RBFOX3: variants seen among roughly 807,000 people sequenced by gnomAD.
RBFOX3 encodes RNA binding fox-1 homolog 3.
A neutral mutation model predicts 48.7 loss-of-function variants in RBFOX3; 17 were observed. The observed-to-expected ratio is 0.35, with a 90% CI of 0.24 to 0.52. The LOEUF (loss-of-function observed/expected upper bound fraction) is 0.52. RBFOX3 is among the 20% of genes least tolerant of loss of function. The pLI, the probability that RBFOX3 is intolerant of heterozygous loss-of-function variation, is 0.94. For synonymous variants in RBFOX3, 212 were observed against 209.5 expected (o/e 1.01, Z -0.10); for missense variants, 382 against 497.5 (o/e 0.77, Z 2.21).
chr17:79,463,967 C>T lies in RBFOX3; in HGVS notation c.-175+18487G>A, dbSNP rs369685320. On this transcript the variant is annotated intron_variant, in intron 2 of 14. Coordinates refer to ENST00000693108, the MANE Select transcript of RBFOX3 (RefSeq NM_001350451.2). Reference sequence around the variant, plus strand: ...TCGCCACTGCCACCTCCACCACCATCGCCACTGCCACTGCCACCTCCACCA... The same window carrying T: ...TCGCCACTGCCACCTCCACCACCATTGCCACTGCCACTGCCACCTCCACCA... Among the ~76,000 whole-genome samples, 94 of 151,748 alleles carry T rather than the reference C, an allele frequency of 6.2e-4. 1 individual carries two copies. The East Asian group carries it at 0.015, about 24-fold the overall frequency.
At chr17:79,351,637 T>C (rs915987042) in intron 2 of RBFOX3, among the ~76,000 whole-genome samples, 4 of 152,242 alleles carry the variant, frequency 2.6e-5, no homozygotes, top group African/African-American at 2.4e-5. Context: ...ATGTCTGCTT[T>C]GGAGAAATGT....
upstream of RBFOX3, among the ~76,000 whole-genome samples, chr17:79,611,480 T>C (rs1403433288): frequency 6.6e-6 from 1 of 151,930 alleles, no homozygotes; most frequent in Non-Finnish European, 1.5e-5. Flanking sequence ...AACCCAGTGC[T>C]GCCCTGGTCC....
chr17:79,589,078 C>T (rs889994386), intron 1 of RBFOX3, among the ~76,000 whole-genome samples: 2 of 152,212 alleles, frequency 1.3e-5, no homozygotes, highest in Non-Finnish European at 2.9e-5. Context: ...TGAGCTTGGA[C>T]AGTTCTTTCA....
At chr17:79,389,098 G>A (rs978492090) in intron 2 of RBFOX3, among the ~76,000 whole-genome samples, 6 of 147,904 alleles carry the variant, frequency 4.1e-5, no homozygotes, top group African/African-American at 1.6e-4. Flanking sequence ...AGCGGTGGGC[G>A]CGGGGGGGCG....
intron 3 of RBFOX3, among the ~76,000 whole-genome samples, chr17:79,258,177 G>C (rs982270194): frequency 6.6e-6 from 1 of 152,170 alleles, no homozygotes; most frequent in Non-Finnish European, 1.5e-5. Context: ...GCTAGACACT[G>C]GTTGGTCCTC....
Position 79,182,122 on chromosome 17 carries a change from A to ACT in RBFOX3, c.-34+53642_-34+53643dup, listed in dbSNP as rs146197071. Among the ~76,000 whole-genome samples, 353 of 151,304 alleles carry ACT rather than the reference A, an allele frequency of 2.3e-3. 5 individuals carry two copies. Among genetic ancestry groups the ACT allele is most frequent in the African/African-American group, 8.1e-3 (335 of 41,206 alleles). On this transcript the variant is annotated intron_variant, in intron 4 of 14. Transcript: ENST00000693108. ...AAGTTCCTTGGGGTGGGCACCCTGT[A>ACT]CTCTCTCTCTCTCCAGTCTCGAAGC...
chr17:79,144,175 C>A (rs2042529928), intron 4 of RBFOX3, among the ~76,000 whole-genome samples: 1 of 152,174 alleles, frequency 6.6e-6, no homozygotes, highest in African/African-American at 2.4e-5. Flanking sequence ...CCTGCCTCCC[C>A]CTGCCTCTGA....
chr17:79,545,099 CG>C (rs1353778445), intron 1 of RBFOX3, among the ~76,000 whole-genome samples: 1 of 151,938 alleles, frequency 6.6e-6, no homozygotes, highest in Non-Finnish European at 1.5e-5. Flanking sequence ...AGGGGGCAGA[CG>C]GGGCCGCTCT....
intron 2 of RBFOX3, among the ~76,000 whole-genome samples, chr17:79,388,357 G>A (rs1445120170): frequency 6.6e-6 from 1 of 152,158 alleles, no homozygotes; most frequent in East Asian, 1.9e-4. Context: ...CGAGGATGCA[G>A]AGCCAGTGCA....
At chr17:79,450,443 G>A (rs1033902941) in intron 2 of RBFOX3, among the ~76,000 whole-genome samples, 6 of 152,046 alleles carry the variant, frequency 3.9e-5, no homozygotes, top group South Asian at 2.1e-4. Context: ...TGTCCCCATC[G>A]GAGCCATCCT....
chr17:79,611,223 G>A, upstream of RBFOX3, among the ~76,000 whole-genome samples: 1 of 98,490 alleles, frequency 1.0e-5, no homozygotes, highest in African/African-American at 5.9e-5. Flanking sequence ...CGTTCCTCTG[G>A]CTCGTTCGGC....
intron 3 of RBFOX3, among the ~76,000 whole-genome samples, chr17:79,237,551 C>T (rs1411711092): frequency 2.0e-5 from 3 of 152,216 alleles, no homozygotes; most frequent in Non-Finnish European, 4.4e-5. Context: ...CTGTGGGAGG[C>T]GAGAATGAAC....
chr17:79,463,656 TCGCCAC>T (rs2075870474), intron 2 of RBFOX3, among the ~76,000 whole-genome samples: 1 of 52,916 alleles, frequency 1.9e-5, no homozygotes, highest in East Asian at 6.5e-4. Flanking sequence ...TCCACCACCA[TCGCCAC>T]CGCCACCTCC....
At chr17:79,581,415 T>C (rs1414950176) in intron 1 of RBFOX3, among the ~76,000 whole-genome samples, 1 of 152,322 alleles carries the variant, frequency 6.6e-6, no homozygotes, top group African/African-American at 2.4e-5. Context: ...CTGGGCCAGA[T>C]TGCAGTCTGG....
chr17:79,379,641 C>T (rs943487683), intron 2 of RBFOX3, among the ~76,000 whole-genome samples: 1 of 152,170 alleles, frequency 6.6e-6, no homozygotes, highest in South Asian at 2.1e-4. Context: ...GCGTTCCAGG[C>T]GGGAAGCTGG....
At chr17:79,091,459 C>T (rs147495120) in intron 14 of RBFOX3, among the ~76,000 whole-genome samples, 14 of 152,218 alleles carry the variant, frequency 9.2e-5, no homozygotes, top group African/African-American at 2.9e-4. Flanking sequence ...AAGCTGCCCA[C>T]GGCTGTGCTC....
At chr17:79,366,836 C>G (rs2057829027) in intron 2 of RBFOX3, among the ~76,000 whole-genome samples, 1 of 152,216 alleles carries the variant, frequency 6.6e-6, no homozygotes, top group South Asian at 2.1e-4. Flanking sequence ...TTCCGGGGAG[C>G]TGCTCTCACC....
At chr17:79,340,648 G>T (rs918459949) in intron 2 of RBFOX3, among the ~76,000 whole-genome samples, 1 of 152,092 alleles carries the variant, frequency 6.6e-6, no homozygotes, top group Non-Finnish European at 1.5e-5. Context: ...TTCATGACAC[G>T]GGTCTGGCAC....
chr17:79,233,929 A>G (rs936599314), intron 4 of RBFOX3: 1 of 152,244 alleles, frequency 6.6e-6, no homozygotes. Context: ...TCTTTATTCT[A>G]CAAGTGACTC....
Sources: gnomAD v4.1 joint callset for allele counts (sites outside exome capture counted in the v4.1 genomes callset) on GRCh38, gnomAD v4.1.1 for gene constraint, MANE v1.5 for transcripts, NCBI Gene and HGNC (gene_info 2026-07-23, HGNC 2026-07-21) for gene names.